GINM1: variants seen among roughly 807,000 people sequenced by gnomAD.
GINM1 encodes the protein glycoprotein integral membrane protein 1.
In GINM1, 29 loss-of-function variants were observed where a neutral mutation model predicts 37.8. The ratio of observed to expected loss-of-function variants is 0.77; its 90% CI spans 0.57 to 1.05. The LOEUF (loss-of-function observed/expected upper bound fraction) is 1.05, where lower values mean the gene tolerates loss of function less well. GINM1 is among the 50% of genes least tolerant of loss of function. The probability of loss-of-function intolerance (pLI) is 0.00; values close to 1 mark genes in which losing one functional copy is unlikely to be tolerated. For missense variants in GINM1, 377 were observed against 397.9 expected (o/e 0.95, Z 0.45); for synonymous variants, 143 against 146.2 (o/e 0.98, Z 0.16).
chr6:149,569,748 C>T (rs1443890915), intron 1 of GINM1, among the ~76,000 whole-genome samples: 1 of 152,116 alleles, frequency 6.6e-6, no homozygotes, highest in African/African-American at 2.4e-5. Context: ...GTATATTTCG[C>T]TCAGACGTAT....
Position 149,580,707 on chromosome 6 carries a change from C to T in GINM1, c.701C>T (p.Pro234Leu), listed in dbSNP as rs763183200. The T allele has an allele frequency of 9.3e-6, 15 of 1,613,646 alleles. No homozygotes were observed. Among genetic ancestry groups the T allele is most frequent in the African/African-American group, 2.7e-5 (2 of 74,900 alleles). Reference sequence around the variant, plus strand: ...CCTGAAACTCCTCTCAGAGCAGAGCCGCCATCTTCATATAAGGTAAATCAA... The same window carrying T: ...CCTGAAACTCCTCTCAGAGCAGAGCTGCCATCTTCATATAAGGTAAATCAA... Reference protein sequence around the residue: ...KLPETPLRAEPPSSYKVMCQW... With the variant: ...KLPETPLRAELPSSYKVMCQW... The change falls in exon 6 of 8, where the codon CCG becomes CTG. Residue 234 changes from proline (P) to leucine (L), a missense_variant. Pro to Leu is a moderately conservative substitution (Grantham distance 98, BLOSUM62 -3). Transcript: ENST00000367419.
intron 7 of GINM1, among the ~76,000 whole-genome samples, chr6:149,589,665 T>C (rs1778124098): frequency 6.6e-6 from 1 of 152,234 alleles, no homozygotes; most frequent in Non-Finnish European, 1.5e-5. Context: ...CCATTAGTAA[T>C]TTATCATTGA....
rs1778153855 is a variant in GINM1 at position 149,591,425 on chromosome 6, A to G, written c.*587A>G. The G allele has an allele frequency of 6.6e-6, 1 of 152,162 alleles. No individual in the cohort carries two copies. Among genetic ancestry groups the G allele is most frequent in the Non-Finnish European group, 1.5e-5 (1 of 68,034 alleles). The allele number at this position is 152,162 out of a possible 1,614,324, so 9.4% of individuals were successfully genotyped here. A position where few individuals can be genotyped will look rare whatever the true frequency, so the allele number is the denominator to read the frequency against. ...TATCAAAAGAAAAAAAAAAGACCAG[A>G]CAAAATCTCATGTGCCAATAACTTT... On this transcript the variant is annotated 3_prime_UTR_variant, in exon 8 of 8. Coordinates refer to ENST00000367419, the MANE Select transcript of GINM1 (RefSeq NM_138785.5).
At chr6:149,570,462 C>T (rs1469302614) in intron 1 of GINM1, among the ~76,000 whole-genome samples, 3 of 151,804 alleles carry the variant, frequency 2.0e-5, no homozygotes, top group Non-Finnish European at 4.4e-5. Context: ...CAAGGTGAGC[C>T]AGGAAAAAGC....
intron 6 of GINM1, 187 bp downstream of exon 6, chr6:149,580,910 A>G: frequency 1.8e-6 from 1 of 551,178 alleles, no homozygotes; most frequent in Non-Finnish European, 3.2e-6. Context: ...TTGTTTAATA[A>G]TATTGTAGTC....
chr6:149,566,686 T>G lies in GINM1; in HGVS notation c.120+152T>G. The G allele has an allele frequency of 1.8e-6, 2 of 1,105,038 alleles. No individual in the cohort carries two copies. Among genetic ancestry groups the G allele is most frequent in the Non-Finnish European group, 1.2e-6 (1 of 833,300 alleles). 68.5% of individuals were successfully genotyped at this position (1,105,038 alleles called of 1,614,324 possible). On this transcript the variant is annotated intron_variant, in intron 1 of 7. Transcript: ENST00000367419. The surrounding 1 kb of genome is among the most constrained non-coding windows in gnomAD (Gnocchi z 4.4). The stretch of plus-strand genomic sequence containing the variant: ...GTGTGGGGAGAAGCACCCCAGGAAA[T>G]GGGGGCGGCGTGGGAGGCCGAGGTA...
rs576117408 is a variant in GINM1, at chr6:149,572,419, C to T, written c.180+75C>T. 86 of 1,267,492 alleles carry T rather than the reference C, an allele frequency of 6.8e-5. No individual in the cohort carries two copies. The African/African-American group carries it at 9.8e-4, about 14-fold the overall frequency. 78.5% of individuals were successfully genotyped at this position (1,267,492 alleles called of 1,614,324 possible). ...AGCTTATTTGATTTTTTAACTTGCACGTCTCATTTAGTTAATCTTTTTTGA... is the reference window on the plus strand; with the variant it reads ...AGCTTATTTGATTTTTTAACTTGCATGTCTCATTTAGTTAATCTTTTTTGA... On this transcript the variant is annotated intron_variant, in intron 2 of 7. Coordinates refer to ENST00000367419, the MANE Select transcript of GINM1 (RefSeq NM_138785.5).
chr6:149,573,219 C>G (rs569880638), intron 3 of GINM1, among the ~76,000 whole-genome samples: 2 of 151,962 alleles, frequency 1.3e-5, no homozygotes, highest in Non-Finnish European at 2.9e-5. Flanking sequence ...GCAGGAGAAT[C>G]GTTTGAACCC....
chr6:149,582,695 TAGAA>T (rs1778020490), intron 7 of GINM1, 92 bp downstream of exon 7: 2 of 924,328 alleles, frequency 2.2e-6, no homozygotes, highest in Admixed American at 3.4e-5. Flanking sequence ...ATATAAAAAT[TAGAA>T]AGGGTAAGAC....
At position 149,577,888 on chromosome 6, in the gene GINM1, T is replaced by C. The variant is rs117151009; in HGVS notation, c.278-934T>C. ...GGCTCTGTAAACCAGCTGCAGCTACTACACCCCGTTTCTACTGGAGCAGGA... is the reference window on the plus strand; with the variant it reads ...GGCTCTGTAAACCAGCTGCAGCTACCACACCCCGTTTCTACTGGAGCAGGA... On this transcript the variant is annotated intron_variant, in intron 3 of 7. Transcript: ENST00000367419. Among the ~76,000 whole-genome samples, 154 of 152,334 alleles carry C rather than the reference T, an allele frequency of 1.0e-3. 6 individuals carry two copies. In the East Asian group the frequency reaches 0.028, roughly 27 times the overall value.
At chr6:149,584,667 A>T (rs1007228071) in intron 7 of GINM1, 1 of 151,972 alleles carries the variant, frequency 6.6e-6, no homozygotes, top group African/African-American at 2.4e-5. Flanking sequence ...CAGATTTCAG[A>T]TTTTTTTGGA....
chr6:149,567,847 C>A (rs956013055), intron 1 of GINM1, among the ~76,000 whole-genome samples: 17 of 152,118 alleles, frequency 1.1e-4, no homozygotes, highest in African/African-American at 4.1e-4. Context: ...TGGACAGGCA[C>A]CAAGGGACCA....
At position 149,570,134 on chromosome 6, in the gene GINM1, TTTTATATATATATATATATATATATA is replaced by T. The variant is rs1179231708; in HGVS notation, c.121-2149_121-2124del. ...AAACTCTGTAATTTTACTAGGTAGG[TTTTATATATATATATATATATATATA>T]TATATATATATATATATATATATAT... On this transcript the variant is annotated intron_variant, in intron 1 of 7. Transcript: ENST00000367419. 1.3e-3 allele frequency among the ~76,000 whole-genome samples: 127 copies of T among 96,128 alleles called. 4 individuals are homozygous for T. Among genetic ancestry groups the T allele is most frequent in the African/African-American group, 5.5e-3 (114 of 20,644 alleles). The allele number at this position is 96,128 out of a possible 152,430, so 63.1% of individuals were successfully genotyped here. A position where few individuals can be genotyped will look rare whatever the true frequency, so the allele number is the denominator to read the frequency against.
In GINM1 at chr6:149,566,488, T is replaced by G. The variant is rs2115052544; in HGVS notation, c.74T>G (p.Leu25Arg). The G allele has an allele frequency of 1.3e-6, 2 of 1,548,118 alleles. No individual in the cohort carries two copies. The highest frequency in any genetic ancestry group is 2.4e-5 in the South Asian group (2 of 84,788). ...GTGGCGCTACCCGCCTCCGGCTGGCTGACGACGGGCGCCCCCGAGCCGCCG... is the reference window on the plus strand; with the variant it reads ...GTGGCGCTACCCGCCTCCGGCTGGCGGACGACGGGCGCCCCCGAGCCGCCG... ...LFVALPASGWLTTGAPEPPPL... is the reference protein window; with the variant it reads ...LFVALPASGWRTTGAPEPPPL... Residue 25 changes from leucine (L) to arginine (R), a missense_variant, in exon 1 of 8, where the codon CTG becomes CGG. Physicochemically the swap from Leu to Arg is moderately radical, Grantham distance 102. Coordinates refer to ENST00000367419, the MANE Select transcript of GINM1 (RefSeq NM_138785.5). The surrounding 1 kb of genome is among the most constrained non-coding windows in gnomAD (Gnocchi z 4.4).
chr6:149,587,313 G>C (rs554921697), intron 7 of GINM1, among the ~76,000 whole-genome samples: 25 of 152,066 alleles, frequency 1.6e-4, no homozygotes, highest in Non-Finnish European at 3.1e-4. Flanking sequence ...CTCTAATTCA[G>C]TTCAGTTCTG....
chr6:149,583,605 G>A (rs1778031638), intron 7 of GINM1, among the ~76,000 whole-genome samples: 1 of 150,972 alleles, frequency 6.6e-6, no homozygotes, highest in East Asian at 1.9e-4. Context: ...CTCCAGCCTG[G>A]GAAACGAGCA....
At chr6:149,579,800 TTAAAA>T in intron 4 of GINM1, 29 bp from the exon 5 acceptor site, 5 of 1,407,496 alleles carry the variant, frequency 3.6e-6, no homozygotes, top group Non-Finnish European at 3.8e-6. Flanking sequence ...GTGCTACTAT[TTAAAA>T]TAAAGAATAA....
At chr6:149,581,931 A>G in intron 6 of GINM1, 2 of 437,096 alleles carry the variant, frequency 4.6e-6, no homozygotes, top group Admixed American at 5.2e-5. Flanking sequence ...AGTCCGTGCC[A>G]TCAGTGCCGA....
At chr6:149,578,544 A>T (rs1039459083) in intron 3 of GINM1, among the ~76,000 whole-genome samples, 36 of 151,886 alleles carry the variant, frequency 2.4e-4, no homozygotes, top group African/African-American at 8.5e-4. Flanking sequence ...AAAAAAAAAA[A>T]AAAGAATAGG....
Sources: allele counts gnomAD v4.1 joint callset (sites outside exome capture counted in the v4.1 genomes callset), GRCh38; gene constraint gnomAD v4.1.1; non-coding constraint Gnocchi (gnomAD v3.1); transcripts MANE v1.5; gene names NCBI Gene and HGNC (gene_info 2026-07-23, HGNC 2026-07-21).